Variants in AGBL4 observed in about 807,000 individuals in gnomAD.
AGBL4 encodes the protein AGBL carboxypeptidase 4, also known as cytosolic carboxypeptidase 6.
In AGBL4, 58 loss-of-function variants were observed where a neutral mutation model predicts 66.4. The observed-to-expected ratio is 0.87, with a 90% CI of 0.71 to 1.09. The LOEUF (loss-of-function observed/expected upper bound fraction) is 1.09. Among genes scored for constraint, AGBL4 ranks in the 50% least tolerant of loss-of-function variants. AGBL4 has a pLI of 0.00. For missense variants in AGBL4, 579 were observed against 631.0 expected (o/e 0.92, Z 0.88); for synonymous variants, 234 against 222.9 (o/e 1.05, Z -0.44).
intron 6 of AGBL4, among the ~76,000 whole-genome samples, chr1:48,853,034 T>C (rs1335354885): frequency 6.6e-6 from 1 of 152,166 alleles, no homozygotes; most frequent in Non-Finnish European, 1.5e-5. Context: ...ATTATAGAAA[T>C]GATAGGCTAT....
intron 5 of AGBL4, among the ~76,000 whole-genome samples, chr1:48,986,453 T>A (rs1295664079): frequency 1.3e-5 from 2 of 151,776 alleles, no homozygotes; most frequent in Non-Finnish European, 2.9e-5. Flanking sequence ...GAAACAACGA[T>A]AAAGATGAAA....
intron 3 of AGBL4, among the ~76,000 whole-genome samples, chr1:49,305,361 TCCACATGCAAACTCAAAG>T (rs879834248): frequency 3.5e-4 from 54 of 152,280 alleles, no homozygotes; most frequent in Admixed American, 1.2e-3. Context: ...GATACCAAAA[TCCACATGCAAACTCAAAG>T]CCTCACAGCT....
chr1:49,605,412 G>T (rs189575289), intron 3 of AGBL4, among the ~76,000 whole-genome samples: 1 of 152,248 alleles, frequency 6.6e-6, no homozygotes, highest in Admixed American at 6.5e-5. Flanking sequence ...TGTATAGTTT[G>T]ATGGGTCCAC....
chr1:49,844,220 G>T (rs1646077209), intron 2 of AGBL4, among the ~76,000 whole-genome samples: 1 of 152,080 alleles, frequency 6.6e-6, no homozygotes, highest in Non-Finnish European at 1.5e-5. Flanking sequence ...GAAGAAGCTG[G>T]GTGTCAGCAG....
chr1:49,801,629 A>G (rs1644863235), intron 2 of AGBL4, among the ~76,000 whole-genome samples: 1 of 152,226 alleles, frequency 6.6e-6, no homozygotes, highest in South Asian at 2.1e-4. Flanking sequence ...GCTTTACATG[A>G]CATTATTCTA....
chr1:49,162,166 A>C (rs1646552910), intron 4 of AGBL4, among the ~76,000 whole-genome samples: 1 of 152,146 alleles, frequency 6.6e-6, no homozygotes, highest in African/African-American at 2.4e-5. Flanking sequence ...AACACTGGCC[A>C]CTATGTTAAT....
At chr1:49,657,143 A>T (rs1204705167) in intron 3 of AGBL4, among the ~76,000 whole-genome samples, 1 of 152,214 alleles carries the variant, frequency 6.6e-6, no homozygotes, top group Admixed American at 6.5e-5. Flanking sequence ...TAAGATGATA[A>T]GCAGCTTCAG....
At chr1:49,498,698 G>A (rs1228771208) in intron 3 of AGBL4, among the ~76,000 whole-genome samples, 2 of 151,742 alleles carry the variant, frequency 1.3e-5, no homozygotes, top group Non-Finnish European at 2.9e-5. Flanking sequence ...TGATGATAGA[G>A]GTGCATTGGT....
chr1:48,954,659 C>T (rs1657283487), intron 5 of AGBL4, among the ~76,000 whole-genome samples: 1 of 152,166 alleles, frequency 6.6e-6, no homozygotes, highest in African/African-American at 2.4e-5. Context: ...GGGAACATAA[C>T]AGAGGCATAA....
intron 3 of AGBL4, among the ~76,000 whole-genome samples, chr1:49,283,681 G>A (rs1644335298): frequency 6.6e-6 from 1 of 151,026 alleles, no homozygotes; most frequent in Admixed American, 6.6e-5. Context: ...TAAAGGAGCT[G>A]ATGGAGCTGA....
chr1:48,669,764 G>A (rs763864697), intron 6 of AGBL4, among the ~76,000 whole-genome samples: 1 of 152,160 alleles, frequency 6.6e-6, no homozygotes, highest in Non-Finnish European at 1.5e-5. Context: ...CCTTGGTCAA[G>A]CAGGACCAAA....
intron 3 of AGBL4, among the ~76,000 whole-genome samples, chr1:49,499,649 A>G (rs1367487594): frequency 1.3e-5 from 2 of 151,914 alleles, no homozygotes; most frequent in African/African-American, 2.4e-5. Context: ...CACTTAGAAT[A>G]ATGGTCTCCA....
intron 3 of AGBL4, among the ~76,000 whole-genome samples, chr1:49,532,579 A>G (rs1283533370): frequency 1.3e-5 from 2 of 152,104 alleles, no homozygotes; most frequent in Non-Finnish European, 2.9e-5. Flanking sequence ...TTTGTGTTAC[A>G]CTGCAAGACA....
chr1:49,579,423 T>C (rs2148881341), intron 3 of AGBL4, among the ~76,000 whole-genome samples: 1 of 152,324 alleles, frequency 6.6e-6, no homozygotes, highest in South Asian at 2.1e-4. Flanking sequence ...TAAGATGTGT[T>C]TTGTGGCCTA....
intron 5 of AGBL4, among the ~76,000 whole-genome samples, chr1:49,004,961 G>A (rs1396291578): frequency 6.6e-6 from 1 of 152,154 alleles, no homozygotes. Flanking sequence ...TGTTTGATGA[G>A]CACTGTTTCT....
intron 4 of AGBL4, among the ~76,000 whole-genome samples, chr1:49,110,276 A>G (rs762971131): frequency 2.6e-5 from 4 of 152,192 alleles, no homozygotes; most frequent in Admixed American, 6.5e-5. Flanking sequence ...TACCTTATCC[A>G]GGCCCCAAAT....
At chr1:49,781,793 T>A (rs571615189) in intron 2 of AGBL4, among the ~76,000 whole-genome samples, 2 of 152,238 alleles carry the variant, frequency 1.3e-5, no homozygotes, top group East Asian at 3.9e-4. Flanking sequence ...TGAAATATAC[T>A]TTCTAGACAC....
rs564258204 is a variant in AGBL4 at position 49,357,721 on chromosome 1, G to A, written c.283-111857C>T. Among the ~76,000 whole-genome samples the A allele has an allele frequency of 8.5e-5, 13 of 152,304 alleles. No individual in the cohort carries two copies. The East Asian group carries it at 1.7e-3, about 20-fold the overall frequency. ...AAATGGATGACCACTCCAAGCCTCAGTCTATTCGTCTGTAAACAGGAAATA... is the reference window on the plus strand; with the variant it reads ...AAATGGATGACCACTCCAAGCCTCAATCTATTCGTCTGTAAACAGGAAATA... On this transcript the variant is annotated intron_variant, in intron 3 of 13. Coordinates refer to ENST00000371839, the MANE Select transcript of AGBL4 (RefSeq NM_032785.4).
At chr1:49,444,298 A>G (rs1646102524) in intron 3 of AGBL4, among the ~76,000 whole-genome samples, 1 of 152,002 alleles carries the variant, frequency 6.6e-6, no homozygotes. Flanking sequence ...GTTTAATCCA[A>G]TGTGTTTTTT....
Sources: allele counts gnomAD v4.1 joint callset (sites outside exome capture counted in the v4.1 genomes callset), GRCh38; gene constraint gnomAD v4.1.1; transcripts MANE v1.5; gene names NCBI Gene and HGNC (gene_info 2026-07-23, HGNC 2026-07-21).